CEP112: variants seen among roughly 807,000 people sequenced by gnomAD.
The protein encoded by CEP112 is centrosomal protein 112.
In CEP112, 127 loss-of-function variants were observed where a neutral mutation model predicts 153.0. That is an observed-to-expected ratio of 0.83 (90% CI 0.72 to 0.96). The LOEUF is 0.96. CEP112 is among the 40% of genes least tolerant of loss of function. CEP112 has a pLI of 0.00. For synonymous variants in CEP112, 358 were observed against 374.4 expected (o/e 0.96, Z 0.51); for missense variants, 1,089 against 1,101.2 (o/e 0.99, Z 0.16).
At chr17:65,718,939 G>A (rs2049709021) in intron 23 of CEP112, among the ~76,000 whole-genome samples, 1 of 152,172 alleles carries the variant, frequency 6.6e-6, no homozygotes, top group Non-Finnish European at 1.5e-5. Context: ...GAGAGAAAGG[G>A]AAAGAAAAGG....
intron 17 of CEP112, among the ~76,000 whole-genome samples, chr17:65,963,649 C>CGATATA (rs890306317): frequency 1.4e-4 from 21 of 149,922 alleles, no homozygotes; most frequent in East Asian, 3.9e-4. Context: ...ATATAGATAT[C>CGATATA]GATATAGATA....
rs146040989 is a variant in CEP112, at chr17:65,739,996, T to G, written c.2607+3072A>C. Among the ~76,000 whole-genome samples, 245 of 152,266 alleles carry G rather than the reference T, an allele frequency of 1.6e-3. 2 individuals carry two copies. The highest frequency in any genetic ancestry group is 5.8e-3 in the African/African-American group (242 of 41,546). ...ATTATAGTTTAAATATAGATAAAAT[T>G]AAAAAATCATAAATTCTACCACTCA... is the stretch of plus-strand genomic sequence containing the variant. On this transcript the variant is annotated intron_variant, in intron 23 of 26. Transcript: ENST00000535342.
intron 21 of CEP112, among the ~76,000 whole-genome samples, chr17:65,837,636 G>C (rs2057368676): frequency 6.6e-6 from 1 of 152,196 alleles, no homozygotes; most frequent in African/African-American, 2.4e-5. Context: ...TGGCAGTTTT[G>C]TCGAATAGAA....
intron 24 of CEP112, among the ~76,000 whole-genome samples, chr17:65,656,541 G>A (rs1210094869): frequency 6.6e-6 from 1 of 152,172 alleles, no homozygotes; most frequent in Non-Finnish European, 1.5e-5. Flanking sequence ...GCTTGTTTTT[G>A]TAAATAAAGT....
chr17:66,061,678 G>C (rs534338457), intron 11 of CEP112, among the ~76,000 whole-genome samples: 1 of 152,200 alleles, frequency 6.6e-6, no homozygotes, highest in South Asian at 2.1e-4. Flanking sequence ...ATTGTGTTCA[G>C]TGGAATAAAC....
rs531186770 is a variant in CEP112, at chr17:65,866,502, G to T, written c.2164-14468C>A. On this transcript the variant is annotated intron_variant, in intron 20 of 26. Transcript: ENST00000535342. The stretch of plus-strand genomic sequence containing the variant: ...AAGCCCTACCTTCAAGCCAGGGAGG[G>T]ACTGAAGCCTGGGAGCTGGGCTGCT... Among the ~76,000 whole-genome samples the T allele has an allele frequency of 9.8e-5, 15 of 152,344 alleles. No individual in the cohort carries two copies. The South Asian group carries it at 2.9e-3, about 29-fold the overall frequency.
chr17:65,997,620 C>T (rs1479447423), intron 17 of CEP112, among the ~76,000 whole-genome samples: 2 of 152,032 alleles, frequency 1.3e-5, no homozygotes, highest in African/African-American at 4.8e-5. Flanking sequence ...CTAGGGTGAA[C>T]ATACAATATT....
At chr17:66,006,750 T>C (rs2064292866) in intron 16 of CEP112, among the ~76,000 whole-genome samples, 2 of 152,190 alleles carry the variant, frequency 1.3e-5, no homozygotes, top group Non-Finnish European at 2.9e-5. Context: ...ACAGCAGCCA[T>C]GGCTCTACAT....
intron 24 of CEP112, among the ~76,000 whole-genome samples, chr17:65,684,063 A>G (rs898836582): frequency 6.6e-6 from 1 of 152,076 alleles, no homozygotes; most frequent in East Asian, 1.9e-4. Flanking sequence ...AAAAACAAAA[A>G]CAAAACCAAC....
chr17:65,917,923 T>G (rs1446247380), intron 19 of CEP112, among the ~76,000 whole-genome samples: 1 of 152,102 alleles, frequency 6.6e-6, no homozygotes, highest in Non-Finnish European at 1.5e-5. Flanking sequence ...ACGCCTGTAA[T>G]CCTAGCACTT....
At chr17:65,805,251 T>C (rs1437576209) in intron 21 of CEP112, among the ~76,000 whole-genome samples, 2 of 152,200 alleles carry the variant, frequency 1.3e-5, no homozygotes, top group Admixed American at 1.3e-4. Context: ...ACTACCGTAA[T>C]ACCTCACTTG....
chr17:65,962,489 A>C (rs1379154903), intron 17 of CEP112, among the ~76,000 whole-genome samples: 3 of 152,234 alleles, frequency 2.0e-5, no homozygotes, highest in African/African-American at 7.2e-5. Flanking sequence ...GAATCTTTGC[A>C]TGTTGATAGA....
rs1567961823 is a variant in CEP112, at chr17:65,751,980, AT to A, written c.2395-1257del. 2.1e-5 allele frequency among the ~76,000 whole-genome samples: 3 copies of A among 144,314 alleles called. No individual in the cohort carries two copies. The Admixed American group carries it at 2.1e-4, about 10-fold the overall frequency. 94.7% of individuals were successfully genotyped at this position (144,314 alleles called of 152,430 possible). A position where few individuals can be genotyped will look rare whatever the true frequency, so the allele number is the denominator to read the frequency against. On this transcript the variant is annotated intron_variant, in intron 21 of 26. Transcript: ENST00000535342. The stretch of plus-strand genomic sequence containing the variant: ...TATCTATCTATCTATCTATCTATCT[AT>A]CTATCTATCTATCTATCTATCTACT...
chr17:65,946,161 T>C (rs2061642486), intron 18 of CEP112, among the ~76,000 whole-genome samples: 2 of 152,236 alleles, frequency 1.3e-5, no homozygotes, highest in Non-Finnish European at 2.9e-5. Context: ...TCTCTTTTGA[T>C]GAATAGAAGT....
intron 16 of CEP112, among the ~76,000 whole-genome samples, chr17:66,022,323 A>G (rs1298848784): frequency 2.0e-5 from 3 of 152,162 alleles, no homozygotes; most frequent in African/African-American, 7.2e-5. Flanking sequence ...CCATAATAAT[A>G]CCAGAAGTAT....
intron 18 of CEP112, among the ~76,000 whole-genome samples, chr17:65,945,345 T>A (rs2061617909): frequency 6.6e-6 from 1 of 152,228 alleles, no homozygotes; most frequent in Non-Finnish European, 1.5e-5. Flanking sequence ...GCTATTAATA[T>A]TCTAGTACAT....
chr17:66,065,453 C>T lies in CEP112; in HGVS notation c.955+1325G>A, dbSNP rs1049576810. On this transcript the variant is annotated intron_variant, in intron 10 of 26. Transcript: ENST00000535342. ...TGGAATTGGCCTACTCTGTTCAATA[C>T]ACCCTCCATTACCAGGCTACTCCTC... Among the ~76,000 whole-genome samples the T allele has an allele frequency of 7.2e-5, 11 of 151,994 alleles. 1 individual carries two copies. In the South Asian group the frequency reaches 2.1e-3, roughly 29 times the overall value.
chr17:66,000,418 CA>C (rs2063985184), intron 17 of CEP112, among the ~76,000 whole-genome samples: 1 of 148,048 alleles, frequency 6.8e-6, no homozygotes, highest in African/African-American at 2.5e-5. Flanking sequence ...CTGAACAAAT[CA>C]ATGTCTGGGC....
Position 66,005,673 on chromosome 17 carries a change from A to G in CEP112, c.1736+17T>C, listed in dbSNP as rs2064243768. The stretch of plus-strand genomic sequence containing the variant: ...TAAAGGGTAGTTTTAAATCAAATGC[A>G]TTACAATTTTACTCACTTCAAAGCT... On this transcript the variant is annotated intron_variant, in intron 17 of 26. Transcript: ENST00000535342. The G allele has an allele frequency of 1.2e-6, 2 of 1,602,598 alleles. No homozygotes were observed. Among genetic ancestry groups the G allele is most frequent in the East Asian group, 4.5e-5 (2 of 44,388 alleles).
Sources: allele counts gnomAD v4.1 joint callset (sites outside exome capture counted in the v4.1 genomes callset), GRCh38; gene constraint gnomAD v4.1.1; transcripts MANE v1.5; gene names NCBI Gene and HGNC (gene_info 2026-07-23, HGNC 2026-07-21).